Variants in FAM117B observed in about 807,000 individuals in gnomAD.
FAM117B encodes family with sequence similarity 117 member B.
In FAM117B, 22 loss-of-function variants were observed where a neutral mutation model predicts 52.8. That is an observed-to-expected ratio of 0.42 (90% CI 0.30 to 0.59). The LOEUF (loss-of-function observed/expected upper bound fraction) is 0.59, where lower values mean the gene tolerates loss of function less well. FAM117B is among the 20% of genes least tolerant of loss of function. The pLI, the probability that FAM117B is intolerant of heterozygous loss-of-function variation, is 0.22. For missense variants in FAM117B, 678 were observed against 802.6 expected (o/e 0.84, Z 1.88); for synonymous variants, 309 against 324.1 (o/e 0.95, Z 0.50).
intron 1 of FAM117B, among the ~76,000 whole-genome samples, chr2:202,656,173 A>G (rs1025333086): frequency 4.6e-5 from 7 of 152,274 alleles, no homozygotes; most frequent in African/African-American, 1.4e-4. Flanking sequence ...TCAAAGAACC[A>G]GCTTTTAGTT....
intron 1 of FAM117B, 63 bp from the exon 2 acceptor site, chr2:202,695,818 C>T: frequency 2.0e-6 from 3 of 1,503,214 alleles, no homozygotes; most frequent in Non-Finnish European, 2.7e-6. Flanking sequence ...TAGTTTAAAA[C>T]TTAGTTTCTG....
At chr2:202,684,679 C>A (rs1207267976) in intron 1 of FAM117B, among the ~76,000 whole-genome samples, 2 of 148,256 alleles carry the variant, frequency 1.3e-5, no homozygotes, top group Admixed American at 1.3e-4. Flanking sequence ...TTCATTTAGG[C>A]ATGAATTATA....
At chr2:202,701,634 C>G (rs147113245) in intron 2 of FAM117B, among the ~76,000 whole-genome samples, 1 of 152,294 alleles carries the variant, frequency 6.6e-6, no homozygotes, top group East Asian at 1.9e-4. Context: ...CAAATATCAA[C>G]ATTATCAGGA....
intron 2 of FAM117B, among the ~76,000 whole-genome samples, chr2:202,709,683 G>T (rs1018060117): frequency 6.6e-6 from 1 of 151,722 alleles, no homozygotes; most frequent in Non-Finnish European, 1.5e-5. Context: ...GCTTTTTTTG[G>T]TCTGTGCTTT....
chr2:202,702,785 C>T (rs1287777416), intron 2 of FAM117B, among the ~76,000 whole-genome samples: 1 of 152,094 alleles, frequency 6.6e-6, no homozygotes, highest in African/African-American at 2.4e-5. Context: ...GATCTCCTGA[C>T]CTCGTGATCC....
intron 1 of FAM117B, among the ~76,000 whole-genome samples, chr2:202,686,697 C>G (rs1211581327): frequency 1.3e-5 from 2 of 151,896 alleles, no homozygotes; most frequent in African/African-American, 4.8e-5. Flanking sequence ...ATCCGAGCTG[C>G]TCGTGAAGCT....
chr2:202,765,164 C>T (rs1191235232), intron 7 of FAM117B, among the ~76,000 whole-genome samples: 1 of 152,120 alleles, frequency 6.6e-6, no homozygotes, highest in Admixed American at 6.5e-5. Context: ...GCTCATCGGG[C>T]TGAGCCACCT....
At position 202,727,966 on chromosome 2, in the gene FAM117B, A is replaced by G. The variant is rs191672831; in HGVS notation, c.960+1603A>G. 3.4e-4 allele frequency among the ~76,000 whole-genome samples: 51 copies of G among 152,176 alleles called. No homozygotes were observed. The East Asian group carries it at 6.0e-3, about 18-fold the overall frequency. On this transcript the variant is annotated intron_variant, in intron 4 of 7. Coordinates refer to ENST00000392238, the MANE Select transcript of FAM117B (RefSeq NM_173511.4). ...ATACTCGGGTCAGATTTGATTTCAC[A>G]GGTTTATAGAGATTGTTTTTTGTTT...
rs1171810207 is a variant in FAM117B at position 202,755,598 on chromosome 2, C to T, written c.1021C>T (p.Arg341Trp). The T allele has an allele frequency of 6.2e-7, 1 of 1,614,076 alleles. No individual in the cohort carries two copies. The highest frequency in any genetic ancestry group is 1.7e-5 in the Admixed American group (1 of 60,018). The change falls in exon 5 of 8, where the codon CGG becomes TGG. Residue 341 changes from arginine (R) to tryptophan (W), a missense_variant. This residue lies in a region of FAM117B where 583 missense variants were observed against 644.8 expected (regional missense o/e 0.90). Transcript: ENST00000392238. ...TCCCATCACCAAATCAACAGGCTCC[C>T]GGTTCCGGAATAGCGTGGAAGGATT... Reference protein sequence around the residue: ...VIPITKSTGSRFRNSVEGLNQ... With the variant: ...VIPITKSTGSWFRNSVEGLNQ...
At chr2:202,718,738 C>T (rs1691101182) in intron 2 of FAM117B, among the ~76,000 whole-genome samples, 2 of 152,218 alleles carry the variant, frequency 1.3e-5, no homozygotes, top group Admixed American at 6.5e-5. Context: ...GCTCCACTCA[C>T]TGATGCTGCC....
intron 7 of FAM117B, among the ~76,000 whole-genome samples, chr2:202,762,128 G>A (rs1039534295): frequency 3.9e-5 from 6 of 152,126 alleles, no homozygotes; most frequent in African/African-American, 1.4e-4. Context: ...ATGAAAGCAA[G>A]GGTAGATTGT....
chr2:202,636,874 T>A (rs943608063), intron 1 of FAM117B, among the ~76,000 whole-genome samples: 3 of 152,234 alleles, frequency 2.0e-5, no homozygotes, highest in African/African-American at 7.2e-5. Context: ...ATAATACTTA[T>A]TTAGAGAGAA....
intron 2 of FAM117B, among the ~76,000 whole-genome samples, chr2:202,700,288 T>C (rs1690778337): frequency 6.6e-6 from 1 of 152,170 alleles, no homozygotes; most frequent in Non-Finnish European, 1.5e-5. Context: ...GCTAGCCAAG[T>C]TGTGAATGCA....
At chr2:202,636,012 GCCC>G (rs1383706288) in intron 1 of FAM117B, among the ~76,000 whole-genome samples, 34 of 46,328 alleles carry the variant, frequency 7.3e-4, no homozygotes, top group African/African-American at 2.4e-3. Context: ...CCCTCTGCCC[GCCC>G]CGCACGGCTC....
At chr2:202,684,982 CA>C (rs201502470) in intron 1 of FAM117B, among the ~76,000 whole-genome samples, 2 of 151,068 alleles carry the variant, frequency 1.3e-5, no homozygotes, top group Admixed American at 6.6e-5. Flanking sequence ...ATGATTATCT[CA>C]AAAAAAATTT....
Position 202,635,068 on chromosome 2 carries a change from G to C in FAM117B, c.-120G>C. ...CGGCCCGGTCTCCCCCTGCACCCCG[G>C]AGTCCGGCTTCGTCACCCCGTCTTG... On this transcript the variant is annotated 5_prime_UTR_variant, in exon 1 of 8. Transcript: ENST00000392238. 1 of 1,215,066 alleles carries C rather than the reference G, an allele frequency of 8.2e-7. No homozygotes were observed. Among genetic ancestry groups the C allele is most frequent in the Non-Finnish European group, 1.0e-6 (1 of 969,366 alleles). The allele number at this position is 1,215,066 out of a possible 1,614,324, so 75.3% of individuals were successfully genotyped here.
At chr2:202,731,373 A>G (rs1489094851) in intron 4 of FAM117B, among the ~76,000 whole-genome samples, 2 of 137,540 alleles carry the variant, frequency 1.5e-5, no homozygotes, top group Admixed American at 1.4e-4. Context: ...ATATATGGAG[A>G]GAGAGAGAAG....
intron 2 of FAM117B, among the ~76,000 whole-genome samples, chr2:202,708,174 G>T (rs1269883066): frequency 6.6e-6 from 1 of 152,152 alleles, no homozygotes; most frequent in Non-Finnish European, 1.5e-5. Flanking sequence ...CAGATCTCTA[G>T]AACTTACTCA....
chr2:202,696,920 T>A (rs1166531159), intron 2 of FAM117B, among the ~76,000 whole-genome samples: 1 of 152,074 alleles, frequency 6.6e-6, no homozygotes, highest in Non-Finnish European at 1.5e-5. Flanking sequence ...AATACAAAAA[T>A]TAGCCGGGCA....
Sources: allele counts gnomAD v4.1 joint callset (sites outside exome capture counted in the v4.1 genomes callset), GRCh38; gene constraint gnomAD v4.1.1; regional missense constraint gnomAD v4.1.1; transcripts MANE v1.5; gene names NCBI Gene and HGNC (gene_info 2026-07-23, HGNC 2026-07-21).